GPC6: variants seen among roughly 807,000 people sequenced by gnomAD.
GPC6 encodes glypican-6.
A neutral mutation model predicts 55.2 loss-of-function variants in GPC6; 14 were observed. The observed-to-expected ratio is 0.25, with a 90% CI of 0.17 to 0.40. GPC6 has a LOEUF of 0.40. Among genes scored for constraint, GPC6 ranks in the 10% least tolerant of loss-of-function variants. GPC6 has a pLI of 1.00. For synonymous variants in GPC6, 278 were observed against 259.6 expected (o/e 1.07, Z -0.68); for missense variants, 641 against 708.5 (o/e 0.90, Z 1.08).
chr13:93,617,050 T>C (rs1303727724), intron 2 of GPC6, among the ~76,000 whole-genome samples: 1 of 152,062 alleles, frequency 6.6e-6, no homozygotes, highest in African/African-American at 2.4e-5. Flanking sequence ...TGGAACTGTT[T>C]GAAAGGCATG....
intron 3 of GPC6, among the ~76,000 whole-genome samples, chr13:93,909,693 T>C (rs1457175599): frequency 1.4e-5 from 2 of 145,064 alleles, no homozygotes. Context: ...CTCAGATATA[T>C]TGAATGGAAG....
At chr13:93,403,784 T>TTC (rs987285559) in intron 1 of GPC6, among the ~76,000 whole-genome samples, 7 of 152,220 alleles carry the variant, frequency 4.6e-5, no homozygotes, top group South Asian at 2.1e-4. Context: ...TAATTTTTTT[T>TTC]TCTCTCTCTC....
chr13:93,901,287 A>G (rs983656277), intron 3 of GPC6, among the ~76,000 whole-genome samples: 11 of 152,090 alleles, frequency 7.2e-5, no homozygotes, highest in Non-Finnish European at 1.2e-4. Context: ...CAAGCAAAAT[A>G]AATAAAAATC....
intron 4 of GPC6, among the ~76,000 whole-genome samples, chr13:94,054,017 AT>A (rs1039884224): frequency 2.4e-4 from 37 of 152,142 alleles, no homozygotes; most frequent in African/African-American, 8.7e-4. Flanking sequence ...TGAGAGGAAT[AT>A]GAACACTCTG....
chr13:94,217,769 C>A (rs558422250), intron 4 of GPC6, among the ~76,000 whole-genome samples: 1 of 152,162 alleles, frequency 6.6e-6, no homozygotes, highest in East Asian at 1.9e-4. Context: ...GCTTCGGCAT[C>A]AAGGAGACAC....
intron 1 of GPC6, among the ~76,000 whole-genome samples, chr13:93,254,681 T>C (rs538536540): frequency 6.6e-6 from 1 of 152,208 alleles, no homozygotes; most frequent in African/African-American, 2.4e-5. Flanking sequence ...CATATGAAGA[T>C]GTTTTAAGTA....
At chr13:93,927,283 A>C (rs1367132310) in intron 3 of GPC6, among the ~76,000 whole-genome samples, 1 of 152,228 alleles carries the variant, frequency 6.6e-6, no homozygotes. Flanking sequence ...ATAACCAAAT[A>C]CCTTCTGTGC....
intron 1 of GPC6, among the ~76,000 whole-genome samples, chr13:93,309,345 C>A (rs907136730): frequency 6.6e-6 from 1 of 151,880 alleles, no homozygotes; most frequent in Non-Finnish European, 1.5e-5. Flanking sequence ...ATAAACATAG[C>A]GATAATTCAT....
intron 2 of GPC6, among the ~76,000 whole-genome samples, chr13:93,791,576 C>A (rs1029806754): frequency 5.9e-5 from 9 of 152,166 alleles, no homozygotes; most frequent in Admixed American, 1.3e-4. Context: ...GTAGTCCCAA[C>A]TATGCACAGG....
rs567298945 is a variant in GPC6, at chr13:93,655,758, G to A, written c.319+110337G>A. Reference sequence around the variant, plus strand: ...CACAAGTAGAATCTAAAAATGTTACGTTAAATTCACAAGACTTACATATAA... The same window carrying A: ...CACAAGTAGAATCTAAAAATGTTACATTAAATTCACAAGACTTACATATAA... On this transcript the variant is annotated intron_variant, in intron 2 of 8. Transcript: ENST00000377047. Among the ~76,000 whole-genome samples, 23 of 152,178 alleles carry A rather than the reference G, an allele frequency of 1.5e-4. 1 individual carries two copies. Among genetic ancestry groups the A allele is most frequent in the Admixed American group, 3.3e-4 (5 of 15,270 alleles).
At chr13:93,912,154 G>A (rs979011312) in intron 3 of GPC6, among the ~76,000 whole-genome samples, 6 of 151,934 alleles carry the variant, frequency 3.9e-5, no homozygotes, top group Admixed American at 2.6e-4. Flanking sequence ...AAAATATATG[G>A]GTATATGAAA....
chr13:94,047,394 T>C (rs753063619), intron 4 of GPC6, among the ~76,000 whole-genome samples: 3 of 152,016 alleles, frequency 2.0e-5, no homozygotes, highest in African/African-American at 7.2e-5. Flanking sequence ...CTCAAAATCA[T>C]CAGTGACACC....
At chr13:93,550,111 G>A (rs762790252) in intron 2 of GPC6, among the ~76,000 whole-genome samples, 4 of 152,008 alleles carry the variant, frequency 2.6e-5, no homozygotes, top group African/African-American at 4.8e-5. Flanking sequence ...AGGAATGGGT[G>A]TTTTTTGTAA....
At chr13:93,803,052 C>A (rs1886428624) in intron 2 of GPC6, among the ~76,000 whole-genome samples, 1 of 152,140 alleles carries the variant, frequency 6.6e-6, no homozygotes, top group Non-Finnish European at 1.5e-5. Context: ...GTTTAGTATT[C>A]TTGCATTCAT....
At chr13:94,359,668 T>C (rs992126224) in intron 6 of GPC6, among the ~76,000 whole-genome samples, 6 of 152,270 alleles carry the variant, frequency 3.9e-5, no homozygotes, top group African/African-American at 1.2e-4. Context: ...AGACCTTTTT[T>C]TTTTTGAAGA....
At chr13:93,320,569 A>G (rs1395269390) in intron 1 of GPC6, among the ~76,000 whole-genome samples, 1 of 151,858 alleles carries the variant, frequency 6.6e-6, no homozygotes, top group Non-Finnish European at 1.5e-5. Context: ...ATATAAGAAT[A>G]TTGTGACTTT....
At chr13:93,349,702 G>A (rs905200195) in intron 1 of GPC6, among the ~76,000 whole-genome samples, 1 of 152,114 alleles carries the variant, frequency 6.6e-6, no homozygotes, top group Admixed American at 6.6e-5. Flanking sequence ...AATATTTTAA[G>A]TCGAGTGAGT....
rs75804714 is a variant in GPC6 at position 93,551,799 on chromosome 13, C to A, written c.319+6378C>A. Among the ~76,000 whole-genome samples the A allele has an allele frequency of 1.8e-3, 276 of 152,174 alleles. 1 individual carries two copies. Among genetic ancestry groups the A allele is most frequent in the African/African-American group, 6.4e-3 (265 of 41,498 alleles). On this transcript the variant is annotated intron_variant, in intron 2 of 8. Coordinates refer to ENST00000377047, the MANE Select transcript of GPC6 (RefSeq NM_005708.5). ...CACATTGACTTTTAAAAAATAGATT[C>A]CCTAGGAATTCAAGAAAAATACTTA...
chr13:94,237,880 A>G (rs984033616), intron 4 of GPC6, among the ~76,000 whole-genome samples: 11 of 152,196 alleles, frequency 7.2e-5, no homozygotes, highest in African/African-American at 2.4e-4. Context: ...CAGAATAATG[A>G]GCAAAAATGA....
Sources: gnomAD v4.1 joint callset for allele counts (sites outside exome capture counted in the v4.1 genomes callset) on GRCh38, gnomAD v4.1.1 for gene constraint, MANE v1.5 for transcripts, NCBI Gene and HGNC (gene_info 2026-07-23, HGNC 2026-07-21) for gene names.